The following WDR25 variants were observed in gnomAD, a reference collection of about 807,000 sequenced individuals.
WDR25 encodes the protein WD repeat-containing protein 25.
A neutral mutation model predicts 47.7 loss-of-function variants in WDR25; 35 were observed. The observed-to-expected ratio is 0.73, with a 90% CI of 0.56 to 0.97. WDR25 has a LOEUF of 0.97. WDR25 is among the 50% of genes least tolerant of loss of function. The pLI, the probability that WDR25 is intolerant of heterozygous loss-of-function variation, is 0.00. For missense variants in WDR25, 634 were observed against 704.7 expected, an observed-to-expected ratio of 0.90 and a Z score of 1.14; for synonymous variants, 248 against 278.9, an observed-to-expected ratio of 0.89 and a Z score of 1.10.
intron 4 of WDR25, among the ~76,000 whole-genome samples, chr14:100,513,462 A>G (rs1042537799): frequency 3.3e-5 from 5 of 152,200 alleles, no homozygotes; most frequent in Non-Finnish European, 7.3e-5. Context: ...GGAGAAGTAA[A>G]TATCTATTAT....
intron 3 of WDR25, among the ~76,000 whole-genome samples, chr14:100,483,693 G>A (rs1328966232): frequency 6.6e-6 from 1 of 152,162 alleles, no homozygotes; most frequent in Non-Finnish European, 1.5e-5. Context: ...GTTTATATGA[G>A]CTAATGCATG....
At chr14:100,477,457 G>A (rs1900054294) in intron 3 of WDR25, among the ~76,000 whole-genome samples, 1 of 152,172 alleles carries the variant, frequency 6.6e-6, no homozygotes, top group African/African-American at 2.4e-5. Context: ...AGCATACAGT[G>A]AATAAACAGA....
chr14:100,528,262 G>T (rs1168720418), intron 5 of WDR25, among the ~76,000 whole-genome samples: 10 of 152,040 alleles, frequency 6.6e-5, no homozygotes, highest in Non-Finnish European at 2.9e-5. Flanking sequence ...ATGTTGGCAG[G>T]GTGTGCTCCC....
chr14:100,503,959 A>G (rs1025648976), intron 4 of WDR25, among the ~76,000 whole-genome samples: 1 of 152,228 alleles, frequency 6.6e-6, no homozygotes, highest in Non-Finnish European at 1.5e-5. Flanking sequence ...ATGTAAATAT[A>G]TACCAAAGTA....
intron 4 of WDR25, among the ~76,000 whole-genome samples, chr14:100,518,924 A>T (rs1354032409): frequency 1.3e-5 from 2 of 152,054 alleles, no homozygotes; most frequent in Non-Finnish European, 2.9e-5. Context: ...CTGTTGACAA[A>T]AATATTTAAG....
chr14:100,517,110 T>C (rs1259465370), intron 4 of WDR25, among the ~76,000 whole-genome samples: 2 of 140,924 alleles, frequency 1.4e-5, no homozygotes, highest in Non-Finnish European at 3.1e-5. Flanking sequence ...TCCTCTGTTT[T>C]TTTTTTTTTT....
chr14:100,481,678 T>G (rs1166018353), intron 3 of WDR25, among the ~76,000 whole-genome samples: 2 of 152,168 alleles, frequency 1.3e-5, no homozygotes, highest in Admixed American at 1.3e-4. Flanking sequence ...ATTCCCTTGT[T>G]TTTTAGTAGA....
intron 2 of WDR25, among the ~76,000 whole-genome samples, chr14:100,416,771 C>A (rs1897881348): frequency 6.6e-6 from 1 of 152,198 alleles, no homozygotes. Context: ...AGCACTGGAC[C>A]ATCGTCCCCA....
intron 1 of WDR25, 42 bp downstream of exon 1, chr14:100,376,537 GA>G (rs1896679379): frequency 1.6e-6 from 2 of 1,231,936 alleles, no homozygotes; most frequent in Non-Finnish European, 1.0e-6. Flanking sequence ...GAGGGGCCGG[GA>G]CTGGGCAGCG....
At chr14:100,480,246 G>A (rs891092433) in intron 3 of WDR25, among the ~76,000 whole-genome samples, 5 of 152,138 alleles carry the variant, frequency 3.3e-5, no homozygotes, top group African/African-American at 9.7e-5. Flanking sequence ...TTCTCCATAC[G>A]GGTTGGATGG....
chr14:100,514,020 C>T (rs1456720840), intron 4 of WDR25, among the ~76,000 whole-genome samples: 1 of 151,644 alleles, frequency 6.6e-6, no homozygotes, highest in Non-Finnish European at 1.5e-5. Flanking sequence ...ACTGCAAGCT[C>T]CGCCTCCCGG....
chr14:100,379,827 C>T (rs143763299), intron 1 of WDR25, among the ~76,000 whole-genome samples: 199 of 151,960 alleles, frequency 1.3e-3, no homozygotes, highest in African/African-American at 4.4e-3. Context: ...CTGCAACTTC[C>T]GCCTCCTGGG....
intron 2 of WDR25, among the ~76,000 whole-genome samples, chr14:100,464,959 C>T (rs1371409818): frequency 6.6e-6 from 1 of 151,160 alleles, no homozygotes; most frequent in Non-Finnish European, 1.5e-5. Flanking sequence ...ATCTCCTCTC[C>T]CCTACCCCAT....
chr14:100,485,231 C>G (rs1201595166), intron 4 of WDR25, among the ~76,000 whole-genome samples: 10 of 152,038 alleles, frequency 6.6e-5, no homozygotes, highest in Non-Finnish European at 1.2e-4. Context: ...CGGTGAGGTG[C>G]CCCCTGCCCA....
chr14:100,397,324 GC>G (rs1417183244), intron 2 of WDR25, among the ~76,000 whole-genome samples: 2 of 152,132 alleles, frequency 1.3e-5, no homozygotes, highest in African/African-American at 4.8e-5. Flanking sequence ...TTTTAAAAGG[GC>G]TTACTTCCTT....
At chr14:100,398,105 T>C (rs777618330) in intron 2 of WDR25, among the ~76,000 whole-genome samples, 3 of 152,368 alleles carry the variant, frequency 2.0e-5, no homozygotes, top group Admixed American at 1.3e-4. Context: ...CCCAAAGTGC[T>C]GGGATTACAG....
chr14:100,506,781 A>G lies in WDR25; in HGVS notation c.1102-19089A>G, dbSNP rs1479686021. Among the ~76,000 whole-genome samples, 4 of 151,626 alleles carry G rather than the reference A, an allele frequency of 2.6e-5. No individual in the cohort carries two copies. The highest frequency in any genetic ancestry group is 7.3e-5 in the African/African-American group (3 of 41,292). ...GGTTATTTGTTTTTTTGCTTGTTCAATTGTTTAAGTTTCTTATAGATTCTG... is the reference window on the plus strand; with the variant it reads ...GGTTATTTGTTTTTTTGCTTGTTCAGTTGTTTAAGTTTCTTATAGATTCTG... On this transcript the variant is annotated intron_variant, in intron 4 of 6. Coordinates refer to ENST00000402312, the MANE Select transcript of WDR25 (RefSeq NM_001161476.3). This position sits in a 1 kb window ranked among gnomAD's most constrained non-coding sequence, Gnocchi z 4.8.
rs1900823413 is a variant in WDR25, at chr14:100,498,908, T to C, written c.1101+14784T>C. On this transcript the variant is annotated intron_variant, in intron 4 of 6. Coordinates refer to ENST00000402312, the MANE Select transcript of WDR25 (RefSeq NM_001161476.3). The surrounding 1 kb of genome is among the most constrained non-coding windows in gnomAD (Gnocchi z 4.2). ...CCTTCTGTCTCTTACTTGGCCTGAG[T>C]GGGGCTGTGAGCCGATGAGAGGGCT... Among the ~76,000 whole-genome samples, 1 of 152,112 alleles carries C rather than the reference T, an allele frequency of 6.6e-6. No homozygotes were observed. The highest frequency in any genetic ancestry group is 3.2e-3 in the Middle Eastern group (1 of 316).
chr14:100,503,297 C>T (rs1384177670), intron 4 of WDR25, among the ~76,000 whole-genome samples: 1 of 152,124 alleles, frequency 6.6e-6, no homozygotes, highest in Non-Finnish European at 1.5e-5. Context: ...TCATCAGTTA[C>T]ACCTGAATAT....
Sources: allele counts gnomAD v4.1 joint callset (sites outside exome capture counted in the v4.1 genomes callset), GRCh38; gene constraint gnomAD v4.1.1; non-coding constraint Gnocchi (gnomAD v3.1); transcripts MANE v1.5; gene names NCBI Gene and HGNC (gene_info 2026-07-23, HGNC 2026-07-21).